Variants in ARHGAP42 observed in about 807,000 individuals in gnomAD.
The protein encoded by ARHGAP42 is Rho GTPase activating protein 42.
ARHGAP42 carries 63 observed loss-of-function variants against 125.0 expected under a neutral mutation model. The observed-to-expected ratio is 0.50, with a 90% CI of 0.41 to 0.62. The LOEUF is 0.62. ARHGAP42 is among the 20% of genes least tolerant of loss of function. The pLI, the probability that ARHGAP42 is intolerant of heterozygous loss-of-function variation, is 0.00. For missense variants in ARHGAP42, 766 were observed against 1,024.2 expected (o/e 0.75, Z 3.44); for synonymous variants, 339 against 351.0 (o/e 0.97, Z 0.38).
intron 20 of ARHGAP42, 62 bp from the exon 21 acceptor site, chr11:100,976,753 C>T (rs2277274): frequency 0.052 from 79,360 of 1,524,606 alleles, 3,008 homozygotes; most frequent in East Asian, 0.22. Context: ...TGCACATGTA[C>T]GTGTTATTGC....
intron 1 of ARHGAP42, among the ~76,000 whole-genome samples, chr11:100,717,867 A>C (rs1861692941): frequency 6.8e-6 from 1 of 147,048 alleles, no homozygotes; most frequent in African/African-American, 2.5e-5. Flanking sequence ...CGGAGGTTGC[A>C]GTGAGCTGCA....
At chr11:100,784,285 T>C (rs1196959594) in intron 2 of ARHGAP42, among the ~76,000 whole-genome samples, 1 of 152,174 alleles carries the variant, frequency 6.6e-6, no homozygotes, top group African/African-American at 2.4e-5. Context: ...TCAAATTATT[T>C]GCAGTTTGGA....
chr11:100,785,746 C>T (rs1032049309), intron 2 of ARHGAP42, among the ~76,000 whole-genome samples: 3 of 152,194 alleles, frequency 2.0e-5, no homozygotes, highest in African/African-American at 7.2e-5. Flanking sequence ...CCCCTTCAGT[C>T]AGGATACTTG....
intron 2 of ARHGAP42, among the ~76,000 whole-genome samples, chr11:100,778,337 A>G (rs888093561): frequency 1.3e-5 from 2 of 152,088 alleles, no homozygotes; most frequent in African/African-American, 4.8e-5. Context: ...GAAGTAAACT[A>G]CCTTCTCATT....
At chr11:100,955,293 T>C (rs1230137579) in intron 12 of ARHGAP42, among the ~76,000 whole-genome samples, 1 of 152,146 alleles carries the variant, frequency 6.6e-6, no homozygotes, top group Non-Finnish European at 1.5e-5. Context: ...ATTAAGTTAG[T>C]CTGTCTTCTG....
intron 4 of ARHGAP42, among the ~76,000 whole-genome samples, chr11:100,875,105 CTCTGTGTGTGTGTGTGTGTGTG>C (rs1290242709): frequency 1.0e-4 from 5 of 49,236 alleles, no homozygotes; most frequent in Admixed American, 5.1e-4. Flanking sequence ...CTCTCTCTCT[CTCTGTGTGTGTGTGTGTGTGTG>C]TGTGTGTGTG....
At chr11:100,955,358 C>A (rs1857776571) in intron 12 of ARHGAP42, among the ~76,000 whole-genome samples, 1 of 152,094 alleles carries the variant, frequency 6.6e-6, no homozygotes, top group Non-Finnish European at 1.5e-5. Context: ...AATTCTAATT[C>A]TCATATTACA....
Position 100,863,980 on chromosome 11 carries a change from A to G in ARHGAP42, c.384+4355A>G. ...AAAAACTGCAATTACTTTTGCATCAACCAAATAATATAGAGTGAGATGAAT... is the reference window on the plus strand; with the variant it reads ...AAAAACTGCAATTACTTTTGCATCAGCCAAATAATATAGAGTGAGATGAAT... On this transcript the variant is annotated intron_variant, in intron 4 of 23. Coordinates refer to ENST00000298815, the MANE Select transcript of ARHGAP42 (RefSeq NM_152432.4). Among the ~76,000 whole-genome samples, 2 of 152,172 alleles carry G rather than the reference A, an allele frequency of 1.3e-5. 1 individual carries two copies. The highest frequency in any genetic ancestry group is 2.9e-5 in the Non-Finnish European group (2 of 68,026).
intron 4 of ARHGAP42, among the ~76,000 whole-genome samples, chr11:100,894,633 A>C (rs1866298723): frequency 6.6e-6 from 1 of 152,162 alleles, no homozygotes; most frequent in Admixed American, 6.6e-5. Context: ...GATTTCCATA[A>C]TGCTGGTTAT....
At chr11:100,798,051 T>C (rs567331323) in intron 3 of ARHGAP42, among the ~76,000 whole-genome samples, 1 of 152,314 alleles carries the variant, frequency 6.6e-6, no homozygotes, top group Non-Finnish European at 1.5e-5. Context: ...AAGTGGAGCC[T>C]GAAGATGTGA....
At chr11:100,809,051 T>C (rs1419943763) in intron 3 of ARHGAP42, among the ~76,000 whole-genome samples, 1 of 152,182 alleles carries the variant, frequency 6.6e-6, no homozygotes, top group Non-Finnish European at 1.5e-5. Flanking sequence ...CCACATTGCT[T>C]GTGGGATTAA....
At chr11:100,933,805 T>A (rs961853900) in intron 7 of ARHGAP42, among the ~76,000 whole-genome samples, 1 of 151,964 alleles carries the variant, frequency 6.6e-6, no homozygotes, top group Non-Finnish European at 1.5e-5. Flanking sequence ...TTTTTTTTTT[T>A]AAAGATGGAG....
rs115144643 is a variant in ARHGAP42 at position 100,776,230 on chromosome 11, G to A, written c.250+5792G>A. 9.2e-3 allele frequency among the ~76,000 whole-genome samples: 1,394 copies of A among 152,182 alleles called. 25 individuals carry two copies. The highest frequency in any genetic ancestry group is 0.031 in the African/African-American group (1,303 of 41,522). On this transcript the variant is annotated intron_variant, in intron 2 of 23. Transcript: ENST00000298815. ...CAATAAAAATGTTAGTCATTAATAT[G>A]AGGCAAAGTTTATTCATTCTATGTA... is the stretch of plus-strand genomic sequence containing the variant.
At chr11:100,962,193 G>C (rs1319590898) in intron 15 of ARHGAP42, among the ~76,000 whole-genome samples, 1 of 151,968 alleles carries the variant, frequency 6.6e-6, no homozygotes, top group Non-Finnish European at 1.5e-5. Context: ...AAGTACATTG[G>C]TGTCTTCGAG....
At chr11:100,900,980 T>A (rs1031014690) in intron 4 of ARHGAP42, among the ~76,000 whole-genome samples, 1 of 152,186 alleles carries the variant, frequency 6.6e-6, no homozygotes, top group African/African-American at 2.4e-5. Context: ...GTCTGGTTTT[T>A]AGAATTTTCA....
intron 1 of ARHGAP42, among the ~76,000 whole-genome samples, chr11:100,760,401 T>C (rs912814707): frequency 6.6e-6 from 1 of 152,058 alleles, no homozygotes; most frequent in Non-Finnish European, 1.5e-5. Flanking sequence ...AGTATGTCCT[T>C]TAAAATGAAA....
intron 1 of ARHGAP42, among the ~76,000 whole-genome samples, chr11:100,720,148 C>T (rs375736273): frequency 5.3e-5 from 8 of 152,266 alleles, no homozygotes; most frequent in African/African-American, 1.2e-4. Context: ...GAAGGCACAC[C>T]GTGGTGGTTA....
intron 1 of ARHGAP42, among the ~76,000 whole-genome samples, chr11:100,690,772 AT>A (rs1297592160): frequency 6.7e-6 from 1 of 149,490 alleles, no homozygotes; most frequent in Non-Finnish European, 1.5e-5. Context: ...AATATTTTGT[AT>A]TTTTTTTTAG....
intron 3 of ARHGAP42, among the ~76,000 whole-genome samples, chr11:100,851,801 G>A (rs1865210548): frequency 6.6e-6 from 1 of 152,140 alleles, no homozygotes; most frequent in African/African-American, 2.4e-5. Flanking sequence ...TGGTATGTTG[G>A]TAAAAAGTTA....
Sources: gnomAD v4.1 joint callset for allele counts (sites outside exome capture counted in the v4.1 genomes callset) on GRCh38, gnomAD v4.1.1 for gene constraint, MANE v1.5 for transcripts, NCBI Gene and HGNC (gene_info 2026-07-23, HGNC 2026-07-21) for gene names.